Variants in PCDHGA7 observed in about 807,000 individuals in gnomAD.
PCDHGA7 encodes the protein protocadherin gamma-A7.
In PCDHGA7, 44 loss-of-function variants were observed where a neutral mutation model predicts 58.3. That is an observed-to-expected ratio of 0.75 (90% CI 0.59 to 0.97). PCDHGA7 has a LOEUF of 0.97. Ranked by LOEUF, PCDHGA7 falls within the 50% of genes least tolerant of loss-of-function variation. PCDHGA7 has a pLI of 0.00. For missense variants in PCDHGA7, 1,266 were observed against 1,188.7 expected (o/e 1.06, Z -0.96); for synonymous variants, 516 against 504.2 (o/e 1.02, Z -0.31).
At position 141,384,644 on chromosome 5, in the gene PCDHGA7, C is replaced by A. The variant is rs757384812; in HGVS notation, c.1745C>A (p.Ala582Glu). The change falls in exon 1 of 4, where the codon GCA becomes GAA. Residue 582 changes from alanine to glutamate, a missense_variant. Transcript: ENST00000518325. ...STGMELAPRS[A>E]EPGYLVTKVV... is the part of the protein sequence containing the mutation. Reference sequence around the variant, plus strand: ...GGCATGGAGCTGGCACCCCGCTCCGCAGAGCCCGGCTACCTGGTGACCAAG... The same window carrying A: ...GGCATGGAGCTGGCACCCCGCTCCGAAGAGCCCGGCTACCTGGTGACCAAG... 2 of 1,614,116 alleles carry A rather than the reference C, an allele frequency of 1.2e-6. No individual in the cohort carries two copies. Among genetic ancestry groups the A allele is most frequent in the African/African-American group, 1.3e-5 (1 of 74,950 alleles).
chr5:141,394,365 C>T (rs1451388519), intron 1 of PCDHGA7: 1 of 1,614,212 alleles, frequency 6.2e-7, no homozygotes, highest in South Asian at 1.1e-5. Context: ...GTATGCGCTG[C>T]AATCTTTCGA....
chr5:141,391,681 T>TC (rs2092407596), intron 1 of PCDHGA7: 4 of 152,210 alleles, frequency 2.6e-5, no homozygotes, highest in Admixed American at 2.6e-4. Context: ...TGAAATAAGT[T>TC]CATCTGCTAC....
chr5:141,390,111 G>C (rs2092051894), intron 1 of PCDHGA7: 5 of 1,614,054 alleles, frequency 3.1e-6, no homozygotes, highest in Non-Finnish European at 4.2e-6. Flanking sequence ...CAACTACAGC[G>C]AGGGGACTTT....
chr5:141,389,576 G>C, intron 1 of PCDHGA7: 1 of 1,613,196 alleles, frequency 6.2e-7, no homozygotes, highest in East Asian at 2.2e-5. Context: ...TGTACCCCGC[G>C]CTGGGTCCCG....
chr5:141,434,092 A>C (rs1333686339), intron 1 of PCDHGA7, among the ~76,000 whole-genome samples: 1 of 152,172 alleles, frequency 6.6e-6, no homozygotes, highest in Non-Finnish European at 1.5e-5. Context: ...TTTGATGCTG[A>C]AATTGTCCCA....
At chr5:141,422,470 T>G in intron 1 of PCDHGA7, 1 of 1,613,440 alleles carries the variant, frequency 6.2e-7, no homozygotes, top group South Asian at 1.1e-5. Flanking sequence ...GGACAGGGAG[T>G]TGGTCCAGAG....
rs2099883574 is a variant in PCDHGA7, at chr5:141,511,027, C to T, written c.2653C>T (p.Leu885=). The change falls in exon 4 of 4, where the codon CTG becomes TTG. Residue 885 remains leucine (L), a synonymous_variant. Transcript: ENST00000518325. ...CGCCCGCTACGGACCCCAGTTCACCCTGCAGCACGTGCCCGACTACCGCCA... is the reference window on the plus strand; with the variant it reads ...CGCCCGCTACGGACCCCAGTTCACCTTGCAGCACGTGCCCGACTACCGCCA... The part of the protein sequence containing the change: ...LSARYGPQFT[L]QHVPDYRQNV... 2 of 1,614,230 alleles carry T rather than the reference C, an allele frequency of 1.2e-6. No individual in the cohort carries two copies. The highest frequency in any genetic ancestry group is 1.7e-6 in the Non-Finnish European group (2 of 1,180,034).
intron 1 of PCDHGA7, chr5:141,399,825 C>T (rs1439243162): frequency 1.9e-6 from 3 of 1,613,178 alleles, no homozygotes; most frequent in Non-Finnish European, 2.5e-6. Flanking sequence ...TGGGTCCCGA[C>T]GGCTCTGCGC....
In PCDHGA7 at chr5:141,498,823, C is replaced by A. The variant is rs540865523; in HGVS notation, c.2483+3958C>A. ...TGGTGCACACCTGTAGTCCCAGCTA[C>A]TCAGGAGGCTGAGGCAGGGGAATCG... On this transcript the variant is annotated intron_variant, in intron 2 of 3. Coordinates refer to ENST00000518325, the MANE Select transcript of PCDHGA7 (RefSeq NM_018920.4). Among the ~76,000 whole-genome samples the A allele has an allele frequency of 9.2e-5, 14 of 152,166 alleles. No homozygotes were observed. The East Asian group carries it at 1.5e-3, about 17-fold the overall frequency.
chr5:141,439,790 C>G (rs2098131627), intron 1 of PCDHGA7: 2 of 152,248 alleles, frequency 1.3e-5, no homozygotes, highest in Non-Finnish European at 2.9e-5. Flanking sequence ...TTCTATAATC[C>G]AAGAAGAGTT....
chr5:141,393,657 C>G, intron 1 of PCDHGA7: 1 of 1,613,862 alleles, frequency 6.2e-7, no homozygotes, highest in Non-Finnish European at 8.5e-7. Context: ...ATACAAATTC[C>G]GGAAAATTAA....
intron 1 of PCDHGA7, chr5:141,409,794 C>T (rs1345529657): frequency 1.9e-6 from 3 of 1,611,732 alleles, no homozygotes; most frequent in South Asian, 1.1e-5. Flanking sequence ...TTCGCGCTCA[C>T]GCTGCAGGCC....
intron 1 of PCDHGA7, among the ~76,000 whole-genome samples, chr5:141,444,733 G>A (rs1464370133): frequency 6.6e-6 from 1 of 152,106 alleles, no homozygotes; most frequent in Non-Finnish European, 1.5e-5. Flanking sequence ...TTTGTTGAAA[G>A]TCATTTCACT....
At chr5:141,459,874 A>G (rs922438277) in intron 1 of PCDHGA7, among the ~76,000 whole-genome samples, 10 of 152,156 alleles carry the variant, frequency 6.6e-5, no homozygotes, top group African/African-American at 2.4e-4. Flanking sequence ...TTCATCTTTA[A>G]CTGAGCTGAA....
chr5:141,485,867 G>A lies in PCDHGA7; in HGVS notation c.2425-8940G>A. On this transcript the variant is annotated intron_variant, in intron 1 of 3. Coordinates refer to ENST00000518325, the MANE Select transcript of PCDHGA7 (RefSeq NM_018920.4). The surrounding 1 kb of genome is among the most constrained non-coding windows in gnomAD (Gnocchi z 5.7). ...TGGCACCGCAGAGCTCCGGGTATCC[G>A]TGCTGGACGTAAACGACAACGCCCC... The A allele has an allele frequency of 1.9e-6, 3 of 1,614,164 alleles. No homozygotes were observed. Among genetic ancestry groups the A allele is most frequent in the Non-Finnish European group, 8.5e-7 (1 of 1,180,040 alleles).
intron 1 of PCDHGA7, chr5:141,420,313 C>T (rs751944742): frequency 1.6e-5 from 23 of 1,434,756 alleles, no homozygotes; most frequent in Non-Finnish European, 2.2e-5. Flanking sequence ...TTTTATATTA[C>T]AATATGCCAA....
chr5:141,393,776 C>T (rs752900835), intron 1 of PCDHGA7: 10 of 1,613,596 alleles, frequency 6.2e-6, no homozygotes, highest in South Asian at 5.5e-5. Context: ...AAATACAAGC[C>T]GAAGATGTGG....
intron 1 of PCDHGA7, chr5:141,413,714 A>T: frequency 6.2e-7 from 1 of 1,613,586 alleles, no homozygotes; most frequent in Non-Finnish European, 8.5e-7. Flanking sequence ...AGCCCCAATA[A>T]GCACTTCTCC....
chr5:141,448,145 A>G (rs2098568457), intron 1 of PCDHGA7, among the ~76,000 whole-genome samples: 1 of 151,716 alleles, frequency 6.6e-6, no homozygotes, highest in South Asian at 2.1e-4. Flanking sequence ...TATACCTCAG[A>G]CTCACCCCTG....
Sources: gnomAD v4.1 joint callset for allele counts (sites outside exome capture counted in the v4.1 genomes callset) on GRCh38, gnomAD v4.1.1 for gene constraint, Gnocchi (gnomAD v3.1) non-coding constraint, MANE v1.5 for transcripts, NCBI Gene and HGNC (gene_info 2026-07-23, HGNC 2026-07-21) for gene names.